APBB2: variants seen among roughly 807,000 people sequenced by gnomAD.
APBB2 encodes Fe65-like 1.
APBB2 carries 38 observed loss-of-function variants against 82.5 expected under a neutral mutation model. The observed-to-expected ratio is 0.46, with a 90% CI of 0.36 to 0.60. APBB2 has a LOEUF of 0.60. Among genes scored for constraint, APBB2 ranks in the 20% least tolerant of loss-of-function variants. The pLI, the probability that APBB2 is intolerant of heterozygous loss-of-function variation, is 0.00. For synonymous variants in APBB2, 341 were observed against 368.2 expected (o/e 0.93, Z 0.85); for missense variants, 772 against 972.3 (o/e 0.79, Z 2.74).
intron 3 of APBB2, among the ~76,000 whole-genome samples, chr4:41,067,228 G>C (rs1732209535): frequency 6.6e-6 from 1 of 152,070 alleles, no homozygotes; most frequent in African/African-American, 2.4e-5. Context: ...TGACCAACAG[G>C]GAGAAACCCC....
intron 1 of APBB2, among the ~76,000 whole-genome samples, chr4:41,213,153 G>T (rs917964879): frequency 2.0e-5 from 3 of 150,058 alleles, no homozygotes; most frequent in East Asian, 1.9e-4. Flanking sequence ...CATTGTGTTT[G>T]TTTTTTTTAA....
chr4:40,833,125 C>T (rs1002484086), intron 12 of APBB2, among the ~76,000 whole-genome samples: 3 of 152,252 alleles, frequency 2.0e-5, no homozygotes, highest in Admixed American at 6.5e-5. Flanking sequence ...GCTTCTGGTT[C>T]TCCTCCCTAG....
At chr4:41,196,035 T>C in intron 1 of APBB2, among the ~76,000 whole-genome samples, 2 of 149,524 alleles carry the variant, frequency 1.3e-5, no homozygotes, top group Non-Finnish European at 3.0e-5. Flanking sequence ...TGGCGGCGCC[T>C]GTAGTCCCAG....
chr4:40,929,521 G>A (rs972595890), intron 10 of APBB2, among the ~76,000 whole-genome samples: 4 of 152,210 alleles, frequency 2.6e-5, no homozygotes, highest in South Asian at 4.1e-4. Context: ...GGATGGTCTC[G>A]ATCTCCTGAC....
chr4:40,960,319 A>T (rs1792758301), intron 6 of APBB2, among the ~76,000 whole-genome samples: 1 of 152,134 alleles, frequency 6.6e-6, no homozygotes, highest in South Asian at 2.1e-4. Context: ...AAACATATAA[A>T]TATATTTCAG....
intron 7 of APBB2, chr4:40,935,493 C>T (rs903565148): frequency 5.0e-6 from 1 of 200,222 alleles, no homozygotes; most frequent in Non-Finnish European, 9.9e-6. Flanking sequence ...ATTTTCCTCC[C>T]TATAAACCAA....
intron 4 of APBB2, among the ~76,000 whole-genome samples, chr4:41,050,979 G>C (rs962122203): frequency 2.2e-5 from 3 of 138,060 alleles, no homozygotes; most frequent in African/African-American, 1.1e-4. Flanking sequence ...CCACCACCAG[G>C]AACAGGGTGT....
intron 4 of APBB2, among the ~76,000 whole-genome samples, chr4:41,061,389 C>T (rs191713738): frequency 3.9e-5 from 6 of 152,254 alleles, no homozygotes; most frequent in Admixed American, 2.0e-4. Context: ...TACTACACAC[C>T]GAGGCTAGAT....
At chr4:41,095,398 C>G (rs887685351) in intron 3 of APBB2, among the ~76,000 whole-genome samples, 2 of 152,162 alleles carry the variant, frequency 1.3e-5, no homozygotes, top group Non-Finnish European at 2.9e-5. Flanking sequence ...ACTGGTCTGT[C>G]CAGGGCCCTG....
intron 10 of APBB2, among the ~76,000 whole-genome samples, chr4:40,906,447 C>G (rs1578332473): frequency 9.6e-6 from 1 of 104,552 alleles, no homozygotes; most frequent in Non-Finnish European, 1.7e-5. Flanking sequence ...GCCTGGGTGA[C>G]AGAGTGAAAC....
intron 1 of APBB2, among the ~76,000 whole-genome samples, chr4:41,179,374 A>G (rs1467547469): frequency 6.6e-6 from 1 of 152,242 alleles, no homozygotes; most frequent in Non-Finnish European, 1.5e-5. Flanking sequence ...TATCAATTTA[A>G]AAATATGTAT....
intron 5 of APBB2, among the ~76,000 whole-genome samples, chr4:41,018,741 A>G (rs16852716): frequency 0.038 from 5,714 of 152,306 alleles, 203 homozygotes; most frequent in African/African-American, 0.097. Context: ...GGAAAGAGGT[A>G]CACAGACAGT....
intron 12 of APBB2, among the ~76,000 whole-genome samples, chr4:40,868,203 C>T (rs1764520704): frequency 6.6e-6 from 1 of 152,130 alleles, no homozygotes; most frequent in Non-Finnish European, 1.5e-5. Flanking sequence ...CACTTGGGAA[C>T]TTAGTAGAAA....
At chr4:40,829,720 G>C (rs1200970005) in intron 13 of APBB2, among the ~76,000 whole-genome samples, 1 of 152,174 alleles carries the variant, frequency 6.6e-6, no homozygotes, top group Non-Finnish European at 1.5e-5. Context: ...CAAGGGGGCT[G>C]TTATGCTGGT....
chr4:40,814,814 A>G lies in APBB2; in HGVS notation c.*1278T>C, dbSNP rs1745187735. 6.6e-6 allele frequency: 1 copy of G among 152,192 alleles called. No homozygotes were observed. The allele number at this position is 152,192 out of a possible 1,614,324, so 9.4% of individuals were successfully genotyped here. A position where few individuals can be genotyped will look rare whatever the true frequency, so the allele number is the denominator to read the frequency against. ...GAGCAGGAAAATGCTGTTTTGGGAA[A>G]CTTGTTAAACAGTCCATTACTCCTG... On this transcript the variant is annotated 3_prime_UTR_variant, in exon 18 of 18. Transcript: ENST00000508593.
At chr4:41,060,976 TA>T (rs1453517792) in intron 4 of APBB2, among the ~76,000 whole-genome samples, 1 of 152,192 alleles carries the variant, frequency 6.6e-6, no homozygotes, top group African/African-American at 2.4e-5. Context: ...AAAGGAAACC[TA>T]AAGGACTCAA....
chr4:40,846,129 G>A (rs2099485), intron 12 of APBB2, among the ~76,000 whole-genome samples: 2,347 of 151,796 alleles, frequency 0.015, 63 homozygotes, highest in African/African-American at 0.054. Flanking sequence ...GGGAATCATA[G>A]AGGCCTTCAG....
At chr4:41,026,684 A>G (rs1049256582) in intron 5 of APBB2, among the ~76,000 whole-genome samples, 3 of 152,184 alleles carry the variant, frequency 2.0e-5, no homozygotes, top group Admixed American at 2.0e-4. Flanking sequence ...TTATGGCTGG[A>G]TAATATTTCA....
At chr4:41,088,134 T>G (rs969875919) in intron 3 of APBB2, among the ~76,000 whole-genome samples, 7 of 152,018 alleles carry the variant, frequency 4.6e-5, no homozygotes, top group Non-Finnish European at 1.5e-5. Flanking sequence ...GATAAGAAAA[T>G]GAGAACTGCA....
Sources: gnomAD v4.1 joint callset for allele counts (sites outside exome capture counted in the v4.1 genomes callset) on GRCh38, gnomAD v4.1.1 for gene constraint, MANE v1.5 for transcripts, NCBI Gene and HGNC (gene_info 2026-07-23, HGNC 2026-07-21) for gene names.